Variants in ZFAND4 observed in about 807,000 individuals in gnomAD.
ZFAND4 encodes the protein zinc finger AN1-type containing 4.
In ZFAND4, 43 loss-of-function variants were observed where a neutral mutation model predicts 64.4. The ratio of observed to expected loss-of-function variants is 0.67; its 90% CI spans 0.52 to 0.86. The LOEUF (loss-of-function observed/expected upper bound fraction) is 0.86. Among genes scored for constraint, ZFAND4 ranks in the 40% least tolerant of loss-of-function variants. The pLI is 0.00. For missense variants in ZFAND4, 929 were observed against 859.8 expected, an observed-to-expected ratio of 1.08 and a Z score of -1.01; for synonymous variants, 296 against 305.7, an observed-to-expected ratio of 0.97 and a Z score of 0.33.
At chr10:45,635,210 AAAACAAAAAAAAAAC>A (rs2046491150) in intron 6 of ZFAND4, among the ~76,000 whole-genome samples, 1 of 137,756 alleles carries the variant, frequency 7.3e-6, no homozygotes, top group South Asian at 2.2e-4. Flanking sequence ...AAAAAAAAAA[AAAACAAAAAAAAAAC>A]AAACAAAAAA....
chr10:45,659,746 A>G (rs937412112), intron 2 of ZFAND4, among the ~76,000 whole-genome samples: 8 of 152,154 alleles, frequency 5.3e-5, no homozygotes, highest in African/African-American at 1.9e-4. Context: ...ATGAAATAAC[A>G]GATTGATAAT....
intron 6 of ZFAND4, among the ~76,000 whole-genome samples, chr10:45,639,405 G>A (rs2046839963): frequency 1.3e-5 from 2 of 152,062 alleles, no homozygotes; most frequent in South Asian, 4.1e-4. Context: ...GTAAGAATAT[G>A]GGAAAATGGC....
chr10:45,626,793 A>G lies in ZFAND4; in HGVS notation c.1030T>C (p.Leu344=). Residue 344 remains leucine (L), a synonymous_variant, in exon 7 of 10, where the codon TTG becomes CTG. Coordinates refer to ENST00000344646, the MANE Select transcript of ZFAND4 (RefSeq NM_174890.4). ...NVKLPPQIPH[L]ELGNDQELAD... is the part of the protein sequence containing the mutation. The stretch of plus-strand genomic sequence containing the variant: ...AGCTCCTGGTCATTTCCCAACTCCA[A>G]ATGGGGTATCTGAGGAGGTAGTTTG... 1 of 1,614,162 alleles carries G rather than the reference A, an allele frequency of 6.2e-7. No homozygotes were observed. Among genetic ancestry groups the G allele is most frequent in the Non-Finnish European group, 8.5e-7 (1 of 1,180,020 alleles).
chr10:45,625,951 C>CA lies in ZFAND4; in HGVS notation c.1871dup (p.Leu624PhefsTer12). ...AGCATGTTGAAAGGAAAATACTGAC[C>CA]AAAAAAACTCCTGTATGTTCTAACT... On this transcript the variant is annotated frameshift_variant and splice_region_variant, in exon 7 of 10. Coordinates refer to ENST00000344646, the MANE Select transcript of ZFAND4 (RefSeq NM_174890.4). LOFTEE classifies it high-confidence loss of function. 6.2e-7 allele frequency: 1 copy of CA among 1,611,490 alleles called. No homozygotes were observed. Among genetic ancestry groups the CA allele is most frequent in the Non-Finnish European group, 8.5e-7 (1 of 1,179,248 alleles).
At chr10:45,635,049 T>G (rs902586899) in intron 6 of ZFAND4, among the ~76,000 whole-genome samples, 10 of 151,794 alleles carry the variant, frequency 6.6e-5, no homozygotes, top group African/African-American at 2.4e-4. Context: ...TTAATATTGT[T>G]AAAATGTCCA....
Position 45,647,837 on chromosome 10 carries a change from C to G in ZFAND4, c.569+457G>C, listed in dbSNP as rs545046471. On this transcript the variant is annotated intron_variant, in intron 5 of 9. Transcript: ENST00000344646. ...GCAACTAACTGAGAGGTTGCCTTGTCCAATTCTCTAATTCTTCTATTGCTT... is the reference window on the plus strand; with the variant it reads ...GCAACTAACTGAGAGGTTGCCTTGTGCAATTCTCTAATTCTTCTATTGCTT... 7.2e-5 allele frequency among the ~76,000 whole-genome samples: 11 copies of G among 152,238 alleles called. 1 individual carries two copies. The South Asian group carries it at 2.3e-3, about 32-fold the overall frequency.
chr10:45,662,566 A>C, intron 2 of ZFAND4: 1 of 983,196 alleles, frequency 1.0e-6, no homozygotes, highest in Non-Finnish European at 1.2e-6. Flanking sequence ...AACTATCATG[A>C]CTCTAGATCT....
At chr10:45,647,872 T>C (rs1049244712) in intron 5 of ZFAND4, among the ~76,000 whole-genome samples, 1 of 152,222 alleles carries the variant, frequency 6.6e-6, no homozygotes, top group Non-Finnish European at 1.5e-5. Context: ...TAGCTAAATA[T>C]ATGTAGGGTT....
chr10:45,646,873 G>T (rs566643709), intron 5 of ZFAND4, among the ~76,000 whole-genome samples: 156 of 152,272 alleles, frequency 1.0e-3, no homozygotes, highest in Non-Finnish European at 1.7e-3. Flanking sequence ...CTTGCCCAGG[G>T]TTTATGCCAA....
chr10:45,644,600 T>C (rs2047244025), intron 5 of ZFAND4, among the ~76,000 whole-genome samples: 1 of 152,216 alleles, frequency 6.6e-6, no homozygotes, highest in Non-Finnish European at 1.5e-5. Context: ...GTTGAGGAAG[T>C]ATGTCCTGAG....
chr10:45,636,411 G>A (rs1324318378), intron 6 of ZFAND4, among the ~76,000 whole-genome samples: 1 of 152,094 alleles, frequency 6.6e-6, no homozygotes, highest in East Asian at 1.9e-4. Flanking sequence ...CAAGACAGGT[G>A]GATTGCTTGA....
intron 5 of ZFAND4, 67 bp from the exon 6 acceptor site, chr10:45,640,030 A>G: frequency 1.3e-6 from 2 of 1,509,656 alleles, no homozygotes; most frequent in Non-Finnish European, 1.8e-6. Context: ...AATGCTCTAT[A>G]TGAAACAGCA....
intron 2 of ZFAND4, among the ~76,000 whole-genome samples, chr10:45,659,989 A>G (rs538121882): frequency 6.6e-6 from 1 of 152,050 alleles, no homozygotes; most frequent in Non-Finnish European, 1.5e-5. Flanking sequence ...CATCCTGACT[A>G]ACACGGTGAA....
intron 6 of ZFAND4, among the ~76,000 whole-genome samples, chr10:45,632,082 T>C (rs1407232289): frequency 6.6e-6 from 1 of 152,172 alleles, no homozygotes; most frequent in Non-Finnish European, 1.5e-5. Context: ...TGGCCGGGCA[T>C]GGTGGCTCAT....
intron 2 of ZFAND4, among the ~76,000 whole-genome samples, chr10:45,655,632 G>T (rs997705396): frequency 2.4e-4 from 36 of 152,008 alleles, no homozygotes; most frequent in African/African-American, 8.2e-4. Flanking sequence ...ATCAAGAAAA[G>T]AAAACAGAAA....
At chr10:45,646,072 G>C (rs2047358801) in intron 5 of ZFAND4, among the ~76,000 whole-genome samples, 1 of 152,116 alleles carries the variant, frequency 6.6e-6, no homozygotes, top group Non-Finnish European at 1.5e-5. Context: ...TTGCAAATTT[G>C]ATGGGCAACA....
chr10:45,647,424 G>GTTT (rs58918686), intron 5 of ZFAND4, among the ~76,000 whole-genome samples: 19 of 127,012 alleles, frequency 1.5e-4, no homozygotes, highest in Admixed American at 2.4e-4. Flanking sequence ...ACTACAAGCT[G>GTTT]TTTTTTTTTT....
rs1399868123 is a variant in ZFAND4 at position 45,640,322 on chromosome 10, AC to A, written c.570-360del. 3 of 1,257,094 alleles carry A rather than the reference AC, an allele frequency of 2.4e-6. No homozygotes were observed. In the Admixed American group the frequency reaches 9.1e-5, roughly 38 times the overall value. 77.9% of individuals were successfully genotyped at this position (1,257,094 alleles called of 1,614,324 possible). A position where few individuals can be genotyped will look rare whatever the true frequency, so the allele number is the denominator to read the frequency against. On this transcript the variant is annotated intron_variant, in intron 5 of 9. Transcript: ENST00000344646. ...ATCAGCCAAGGCTGATAATTGTGCA[AC>A]CCAGACAACAGGCTGATGAGATTTC...
intron 6 of ZFAND4, among the ~76,000 whole-genome samples, chr10:45,630,422 T>A (rs1349489075): frequency 1.3e-5 from 2 of 152,034 alleles, no homozygotes; most frequent in African/African-American, 4.8e-5. Flanking sequence ...TACTTAATAT[T>A]TAATAAAGAA....
Sources: allele counts gnomAD v4.1 joint callset (sites outside exome capture counted in the v4.1 genomes callset), GRCh38; gene constraint gnomAD v4.1.1; transcripts MANE v1.5; gene names NCBI Gene and HGNC (gene_info 2026-07-23, HGNC 2026-07-21).